The following DLGAP2 variants were observed in gnomAD, a reference collection of about 807,000 sequenced individuals.
DLGAP2 encodes the protein disks large-associated protein 2.
A neutral mutation model predicts 100.3 loss-of-function variants in DLGAP2; 26 were observed. That is an observed-to-expected ratio of 0.26 (90% CI 0.19 to 0.36). DLGAP2 has a LOEUF of 0.36. DLGAP2 is among the 10% of genes least tolerant of loss of function. The pLI is 1.00. For missense variants in DLGAP2, 1,858 were observed against 1,453.2 expected (o/e 1.28, Z -4.53); for synonymous variants, 886 against 630.1 (o/e 1.41, Z -6.08).
At chr8:1,111,224 C>G (rs77930562) in intron 2 of DLGAP2, among the ~76,000 whole-genome samples, 4,475 of 152,196 alleles carry the variant, frequency 0.029, 219 homozygotes, top group African/African-American at 0.1. Context: ...TAGTGTCCGA[C>G]TTGCCTAGTT....
At chr8:1,165,202 T>G (rs1409540459) in intron 2 of DLGAP2, among the ~76,000 whole-genome samples, 119 of 68,272 alleles carry the variant, frequency 1.7e-3, no homozygotes, top group South Asian at 3.3e-3. Flanking sequence ...AGGAGGGAGG[T>G]AGAGGGGGAG....
chr8:1,183,540 C>A (rs375106237), intron 2 of DLGAP2, among the ~76,000 whole-genome samples: 5 of 152,304 alleles, frequency 3.3e-5, no homozygotes, highest in African/African-American at 1.2e-4. Flanking sequence ...ATCACAGCAG[C>A]CTATGAGGTA....
intron 1 of DLGAP2, among the ~76,000 whole-genome samples, chr8:792,149 C>T (rs917339549): frequency 6.6e-6 from 1 of 152,176 alleles, no homozygotes. Flanking sequence ...TCTAGAGAGG[C>T]TGAACAAGCT....
chr8:895,682 TG>T (rs1487039218), intron 1 of DLGAP2, among the ~76,000 whole-genome samples: 3 of 152,054 alleles, frequency 2.0e-5, no homozygotes, highest in Admixed American at 2.0e-4. Flanking sequence ...CTTTCGGTGG[TG>T]GTGTGAAGGA....
intron 2 of DLGAP2, among the ~76,000 whole-genome samples, chr8:1,074,838 G>T (rs1434687432): frequency 1.3e-5 from 2 of 152,176 alleles, no homozygotes; most frequent in Non-Finnish European, 2.9e-5. Flanking sequence ...CCCAACAAAG[G>T]GATCCGCAGC....
intron 2 of DLGAP2, among the ~76,000 whole-genome samples, chr8:1,196,977 G>A (rs922581860): frequency 1.3e-5 from 2 of 152,162 alleles, no homozygotes; most frequent in Admixed American, 6.5e-5. Context: ...GAAGCCAGAG[G>A]TGTGATTAAG....
intron 3 of DLGAP2, among the ~76,000 whole-genome samples, chr8:1,438,658 A>G (rs913739494): frequency 6.6e-6 from 1 of 152,210 alleles, no homozygotes; most frequent in Non-Finnish European, 1.5e-5. Flanking sequence ...CACTCGCCAG[A>G]GTTTTCTCCT....
intron 1 of DLGAP2, among the ~76,000 whole-genome samples, chr8:824,510 G>A (rs1167899750): frequency 6.6e-6 from 1 of 152,106 alleles, no homozygotes; most frequent in African/African-American, 2.4e-5. Flanking sequence ...GCAGTGTTAC[G>A]GGCAGCTTTT....
intron 2 of DLGAP2, among the ~76,000 whole-genome samples, chr8:1,230,575 A>C (rs1390576905): frequency 6.6e-6 from 1 of 152,218 alleles, no homozygotes; most frequent in Non-Finnish European, 1.5e-5. Context: ...AAAAGAACAA[A>C]GCCAGAGGCA....
chr8:1,330,950 G>A (rs919799935), intron 3 of DLGAP2, among the ~76,000 whole-genome samples: 7 of 148,230 alleles, frequency 4.7e-5, no homozygotes, highest in African/African-American at 1.8e-4. Context: ...ACTGAGTTCT[G>A]GGTGGGAGCG....
intron 2 of DLGAP2, among the ~76,000 whole-genome samples, chr8:954,705 A>G (rs1380404486): frequency 6.6e-6 from 1 of 152,220 alleles, no homozygotes; most frequent in Non-Finnish European, 1.5e-5. Flanking sequence ...TGATACAACC[A>G]TAATAAAAAT....
chr8:1,377,074 T>C (rs1396562392), intron 3 of DLGAP2, among the ~76,000 whole-genome samples: 1 of 152,232 alleles, frequency 6.6e-6, no homozygotes, highest in Non-Finnish European at 1.5e-5. Context: ...GGCAGTGAGA[T>C]GCCTGCCACT....
At chr8:1,549,867 C>G (rs140883464) in intron 5 of DLGAP2, among the ~76,000 whole-genome samples, 184 bp downstream of exon 5, 1 of 152,320 alleles carries the variant, frequency 6.6e-6, no homozygotes, top group East Asian at 1.9e-4. Context: ...ACCTTACATA[C>G]GTAATTTTTT....
intron 3 of DLGAP2, among the ~76,000 whole-genome samples, chr8:1,392,183 C>G (rs1359927534): frequency 6.6e-6 from 1 of 152,172 alleles, no homozygotes. Flanking sequence ...GAGTTCCAGG[C>G]TCGGGTGCCA....
intron 8 of DLGAP2, among the ~76,000 whole-genome samples, chr8:1,641,566 G>A (rs1398400386): frequency 6.6e-6 from 1 of 152,134 alleles, no homozygotes; most frequent in Non-Finnish European, 1.5e-5. Context: ...GGCTCTTGCA[G>A]TTGACAACGA....
intron 3 of DLGAP2, among the ~76,000 whole-genome samples, chr8:1,452,000 C>T (rs1389273423): frequency 1.3e-5 from 2 of 152,242 alleles, no homozygotes; most frequent in Admixed American, 6.5e-5. Flanking sequence ...TTAAGAGAAC[C>T]GGAACTGCGG....
chr8:1,637,576 C>T (rs765086927), intron 8 of DLGAP2, among the ~76,000 whole-genome samples: 1 of 152,098 alleles, frequency 6.6e-6, no homozygotes, highest in African/African-American at 2.4e-5. Flanking sequence ...CACATGATCA[C>T]TTTCCGTTTT....
At chr8:1,408,638 A>G (rs1053204941) in intron 3 of DLGAP2, among the ~76,000 whole-genome samples, 2 of 152,190 alleles carry the variant, frequency 1.3e-5, no homozygotes, top group Non-Finnish European at 2.9e-5. Flanking sequence ...GGATTCACGC[A>G]TAACTTTGAA....
At chr8:782,381 G>T (rs1198784747) in intron 1 of DLGAP2, among the ~76,000 whole-genome samples, 1 of 151,934 alleles carries the variant, frequency 6.6e-6, no homozygotes, top group Non-Finnish European at 1.5e-5. Flanking sequence ...TGGAATTGAT[G>T]ACATATTATA....
Sources: gnomAD v4.1 joint callset for allele counts (sites outside exome capture counted in the v4.1 genomes callset) on GRCh38, gnomAD v4.1.1 for gene constraint, MANE v1.5 for transcripts, NCBI Gene and HGNC (gene_info 2026-07-23, HGNC 2026-07-21) for gene names.